Variants in VRK2 observed in about 807,000 individuals in gnomAD.
The protein encoded by VRK2 is serine/threonine-protein kinase VRK2.
In VRK2, 60 loss-of-function variants were observed where a neutral mutation model predicts 57.6. The observed-to-expected ratio is 1.04, with a 90% CI of 0.85 to 1.29. VRK2 has a LOEUF of 1.29. VRK2 is among the 50% of genes most tolerant of loss of function. The pLI is 0.00. For missense variants in VRK2, 705 were observed against 588.1 expected, an observed-to-expected ratio of 1.20 and a Z score of -2.06; for synonymous variants, 231 against 199.2, an observed-to-expected ratio of 1.16 and a Z score of -1.35.
At chr2:58,141,732 T>C (rs1681370210) in intron 11 of VRK2, among the ~76,000 whole-genome samples, 1 of 152,006 alleles carries the variant, frequency 6.6e-6, no homozygotes, top group African/African-American at 2.4e-5. Flanking sequence ...TTTTCAAAGT[T>C]TACAGATTTT....
At chr2:57,930,121 C>T (rs1276644329) in intron 1 of VRK2, among the ~76,000 whole-genome samples, 1 of 152,080 alleles carries the variant, frequency 6.6e-6, no homozygotes, top group Non-Finnish European at 1.5e-5. Context: ...AAGCCCAGCA[C>T]AGCACCAGGA....
At chr2:58,132,033 C>A in intron 9 of VRK2, 105 bp downstream of exon 9, 3 of 1,386,602 alleles carry the variant, frequency 2.2e-6, no homozygotes, top group South Asian at 1.5e-5. Flanking sequence ...AACATGACAA[C>A]CAAAGCAAAT....
chr2:58,157,427 T>C lies in VRK2; in HGVS notation c.1183-1922T>C, dbSNP rs944545962. ...CGCATCATTCCTAGTACTTATCTACTAGGTGTCAATAGTATCTCCTCCTAG... is the reference window on the plus strand; with the variant it reads ...CGCATCATTCCTAGTACTTATCTACCAGGTGTCAATAGTATCTCCTCCTAG... On this transcript the variant is annotated intron_variant, in intron 12 of 12. Transcript: ENST00000340157. 5.9e-5 allele frequency among the ~76,000 whole-genome samples: 9 copies of C among 152,342 alleles called. No individual in the cohort carries two copies. The East Asian group carries it at 1.7e-3, about 29-fold the overall frequency.
At chr2:57,909,601 T>A (rs1669925289) in intron 1 of VRK2, among the ~76,000 whole-genome samples, 1 of 152,192 alleles carries the variant, frequency 6.6e-6, no homozygotes, top group Non-Finnish European at 1.5e-5. Flanking sequence ...CTGAAATATT[T>A]GAGAAATAAT....
chr2:58,099,898 C>T (rs1218951047), intron 7 of VRK2, among the ~76,000 whole-genome samples: 1 of 152,016 alleles, frequency 6.6e-6, no homozygotes, highest in African/African-American at 2.4e-5. Context: ...TTCCTTCTAG[C>T]TCTAAAATTC....
Position 58,015,985 on chromosome 2 carries a change from C to T in VRK2, c.-438-9680C>T, listed in dbSNP as rs1338367888. 2.0e-5 allele frequency among the ~76,000 whole-genome samples: 3 copies of T among 151,748 alleles called. No homozygotes were observed. In the East Asian group the frequency reaches 5.8e-4, roughly 29 times the overall value. On this transcript the variant is annotated intron_variant, in intron 1 of 15. Coordinates refer to the VRK2 transcript ENST00000417641. ...AATCAAGTGAAGACATTTATTCACT[C>T]AGGTAAATTTCTTCAAATGTTTTCT...
intron 1 of VRK2, among the ~76,000 whole-genome samples, chr2:57,918,374 G>A (rs561128717): frequency 1.3e-5 from 2 of 151,992 alleles, no homozygotes; most frequent in South Asian, 2.1e-4. Context: ...CCTACTTTGT[G>A]CATATAAAAT....
At chr2:58,154,145 T>C (rs537971912) in intron 12 of VRK2, among the ~76,000 whole-genome samples, 17 of 152,206 alleles carry the variant, frequency 1.1e-4, no homozygotes, top group African/African-American at 3.4e-4. Flanking sequence ...TGTAGTGATA[T>C]TTGTTTCTTC....
intron 7 of VRK2, among the ~76,000 whole-genome samples, chr2:58,121,457 A>G (rs1176875799): frequency 1.3e-5 from 2 of 152,184 alleles, no homozygotes; most frequent in Non-Finnish European, 2.9e-5. Flanking sequence ...TCTGATCCTG[A>G]TATGTCTAGT....
intron 2 of VRK2, among the ~76,000 whole-genome samples, chr2:58,025,931 A>C (rs1027143356): frequency 1.3e-5 from 2 of 152,156 alleles, no homozygotes; most frequent in African/African-American, 4.8e-5. Flanking sequence ...CTAATTTATA[A>C]GGTGTACAAA....
At chr2:57,932,169 G>C (rs981704834) in intron 1 of VRK2, among the ~76,000 whole-genome samples, 2 of 150,926 alleles carry the variant, frequency 1.3e-5, no homozygotes, top group Non-Finnish European at 3.0e-5. Context: ...TTTTTTCCTT[G>C]TTTTGTCCTT....
At chr2:58,026,408 T>C (rs543494642) in intron 2 of VRK2, among the ~76,000 whole-genome samples, 14 of 152,238 alleles carry the variant, frequency 9.2e-5, no homozygotes, top group Non-Finnish European at 1.9e-4. Flanking sequence ...CCTATATGTT[T>C]AACTAAGAAA....
chr2:57,959,266 T>C (rs1671681172), intron 1 of VRK2, among the ~76,000 whole-genome samples: 1 of 152,176 alleles, frequency 6.6e-6, no homozygotes, highest in South Asian at 2.1e-4. Context: ...GTAAATCTGG[T>C]TTATCATGTT....
At chr2:57,913,442 T>A (rs929126261) in intron 1 of VRK2, among the ~76,000 whole-genome samples, 2 of 152,186 alleles carry the variant, frequency 1.3e-5, no homozygotes, top group African/African-American at 4.8e-5. Context: ...TTTTATTTGA[T>A]AGGAATGGGC....
chr2:58,075,783 T>G (rs1044436805), intron 2 of VRK2, among the ~76,000 whole-genome samples: 1 of 147,526 alleles, frequency 6.8e-6, no homozygotes, highest in African/African-American at 2.5e-5. Context: ...GATTAGGTTC[T>G]GGCAAAGTAG....
At position 58,081,412 on chromosome 2, in the gene VRK2, A is replaced by G. The variant is rs1166051201; in HGVS notation, c.137-2677A>G. 8.6e-5 allele frequency among the ~76,000 whole-genome samples: 13 copies of G among 151,948 alleles called. 1 individual carries two copies. The highest frequency in any genetic ancestry group is 6.6e-5 in the Admixed American group (1 of 15,234). ...TGGCTAAAAATTGATTTATTCTGGTATTTTAAATTTTATCATATTTTGTAT... is the reference window on the plus strand; with the variant it reads ...TGGCTAAAAATTGATTTATTCTGGTGTTTTAAATTTTATCATATTTTGTAT... On this transcript the variant is annotated intron_variant, in intron 2 of 12. Coordinates refer to ENST00000340157, the MANE Select transcript of VRK2 (RefSeq NM_006296.7).
rs1381385596 is a variant in VRK2, at chr2:58,155,147, C to T, written c.1183-4202C>T. Among the ~76,000 whole-genome samples the T allele has an allele frequency of 2.0e-5, 3 of 152,100 alleles. No homozygotes were observed. The East Asian group carries it at 5.8e-4, about 29-fold the overall frequency. On this transcript the variant is annotated intron_variant, in intron 12 of 12. Coordinates refer to ENST00000340157, the MANE Select transcript of VRK2 (RefSeq NM_006296.7). ...ATAAATATCAGCTAGATCCCATTAT[C>T]TTGTGATGTTACTGATTTATTTTAT...
intron 1 of VRK2, among the ~76,000 whole-genome samples, chr2:57,948,503 T>C (rs915442945): frequency 6.6e-6 from 1 of 152,178 alleles, no homozygotes; most frequent in Non-Finnish European, 1.5e-5. Context: ...GATAATATGA[T>C]AGTTAATGCA....
At chr2:57,935,214 T>G (rs1386467917) in intron 1 of VRK2, among the ~76,000 whole-genome samples, 1 of 152,182 alleles carries the variant, frequency 6.6e-6, no homozygotes, top group Non-Finnish European at 1.5e-5. Flanking sequence ...CTTTTCTGAC[T>G]AATTTTGGCA....
Sources: gnomAD v4.1 joint callset for allele counts (sites outside exome capture counted in the v4.1 genomes callset) on GRCh38, gnomAD v4.1.1 for gene constraint, MANE v1.5 for transcripts, NCBI Gene and HGNC (gene_info 2026-07-23, HGNC 2026-07-21) for gene names.